ABCA7: variants seen among roughly 807,000 people sequenced by gnomAD.
ABCA7 encodes the protein ATP binding cassette subfamily A member 7.
Under a neutral mutation model 227.6 loss-of-function variants are expected in ABCA7, and 261 were observed. The observed-to-expected ratio is 1.15, with a 90% CI of 1.04 to 1.27. The LOEUF is 1.27. Ranked by LOEUF, ABCA7 falls within the 50% of genes most tolerant of loss-of-function variation. The probability of loss-of-function intolerance (pLI) is 0.00; values close to 1 mark genes in which losing one functional copy is unlikely to be tolerated. For synonymous variants in ABCA7, 1,488 were observed against 1,279.7 expected, an observed-to-expected ratio of 1.16 and a Z score of -3.47; for missense variants, 3,331 against 2,924.5, an observed-to-expected ratio of 1.14 and a Z score of -3.21.
intron 6 of ABCA7, 68 bp from the exon 7 acceptor site, chr19:1,042,678 C>T (rs1387814050): frequency 1.3e-6 from 2 of 1,500,290 alleles, no homozygotes. Flanking sequence ...TGCCTGGGAA[C>T]TGGCCAGAGC....
intron 23 of ABCA7, among the ~76,000 whole-genome samples, chr19:1,052,840 G>C (rs1260729771): frequency 6.6e-6 from 1 of 151,896 alleles, no homozygotes; most frequent in Non-Finnish European, 1.5e-5. Flanking sequence ...AACCAGGGCT[G>C]AGCCCAGAGA....
At chr19:1,045,891 C>T (rs2040590348) in intron 12 of ABCA7, among the ~76,000 whole-genome samples, 1 of 151,040 alleles carries the variant, frequency 6.6e-6, no homozygotes, top group South Asian at 2.1e-4. Context: ...CCTGTAGGCC[C>T]AGCTACCCAG....
rs761551484 is a variant in ABCA7 at position 1,053,865 on chromosome 19, C to G, written c.3472+29C>G. 1.9e-6 allele frequency: 3 copies of G among 1,603,514 alleles called. No homozygotes were observed. The East Asian group carries it at 6.7e-5, about 36-fold the overall frequency. Reference sequence around the variant, plus strand: ...CGGCCACAGCTCCCTGACCCCTGACCCCAGTCCAGAGTGGGACCAGAGGCC... The same window carrying G: ...CGGCCACAGCTCCCTGACCCCTGACGCCAGTCCAGAGTGGGACCAGAGGCC... On this transcript the variant is annotated intron_variant, in intron 25 of 46. Transcript: ENST00000263094.
At chr19:1,053,592 G>A (rs2041980811) in intron 24 of ABCA7, 61 bp downstream of exon 24, 1 of 1,538,136 alleles carries the variant, frequency 6.5e-7, no homozygotes, top group Non-Finnish European at 8.7e-7. Flanking sequence ...AGGAGGTGGT[G>A]TTTTGAAGGA....
intron 40 of ABCA7, among the ~76,000 whole-genome samples, chr19:1,059,510 C>A (rs1253759715): frequency 2.0e-5 from 3 of 151,068 alleles, no homozygotes; most frequent in Non-Finnish European, 2.9e-5. Context: ...CGTGATCCAC[C>A]CGCCTCAGCC....
Position 1,054,662 on chromosome 19 carries a change from C to A in ABCA7, c.3819C>A (p.Pro1273=). 1 of 1,613,416 alleles carries A rather than the reference C, an allele frequency of 6.2e-7. No individual in the cohort carries two copies. The change falls in exon 28 of 47, where the codon CCC becomes CCA. Residue 1273 remains proline, a synonymous_variant. Transcript: ENST00000263094. This position sits in a 1 kb window ranked among gnomAD's most constrained non-coding sequence, Gnocchi z 4.8. ...FGHYPALRLS[P]TMYGAQVSFF... ...ACTACCCGGCTCTGCGGCTCAGTCC[C>A]ACCATGTACGGTGCTCAGGTGTCCT...
At chr19:1,064,007 G>C in intron 44 of ABCA7, 144 bp downstream of exon 44, 2 of 1,332,270 alleles carry the variant, frequency 1.5e-6, no homozygotes, top group South Asian at 1.5e-5. Context: ...AGGACACACA[G>C]AGGTGGGACG....
In ABCA7 at chr19:1,041,353, A is replaced by G. The variant is rs3752229; in HGVS notation, c.-9A>G. On this transcript the variant is annotated 5_prime_UTR_variant, in exon 2 of 47. Coordinates refer to ENST00000263094, the MANE Select transcript of ABCA7 (RefSeq NM_019112.4). ...GACCTCTCTGTCCCGTCCCCTGCCC[A>G]GTCTCACCATGGCCTTCTGGACACA... The G allele has an allele frequency of 0.058, 93,060 of 1,613,820 alleles. 5,453 individuals are homozygous for G. The highest frequency in any genetic ancestry group is 0.37 in the East Asian group (16,613 of 44,868).
chr19:1,064,135 G>T, intron 44 of ABCA7, 26 bp from the exon 45 acceptor site: 2 of 1,534,944 alleles, frequency 1.3e-6, no homozygotes, highest in Non-Finnish European at 8.8e-7. Context: ...CGGCCTCACG[G>T]AGCTCGTGGT....
rs1297041763 is a variant in ABCA7, at chr19:1,041,528, T to C, written c.85T>C (p.Leu29=). ...RRQPVQLLVE[L]LWPLFLFFIL... ...CCCCCAGGTCCAGCTCCTGGTCGAATTGCTGTGGCCTCTCTTCCTCTTCTT... is the reference window on the plus strand; with the variant it reads ...CCCCCAGGTCCAGCTCCTGGTCGAACTGCTGTGGCCTCTCTTCCTCTTCTT... Residue 29 remains leucine (L), a synonymous_variant, in exon 3 of 47, where the codon TTG becomes CTG. Coordinates refer to ENST00000263094, the MANE Select transcript of ABCA7 (RefSeq NM_019112.4). 1.2e-6 allele frequency: 2 copies of C among 1,613,738 alleles called. No homozygotes were observed. The highest frequency in any genetic ancestry group is 4.5e-5 in the East Asian group (2 of 44,884).
chr19:1,055,499 CTT>C (rs397709972), intron 30 of ABCA7, 148 bp downstream of exon 30: 35,169 of 419,406 alleles, frequency 0.084, 1 homozygote, highest in South Asian at 0.1. Flanking sequence ...TTCCTTTCCT[CTT>C]TTTTTTTTTT....
chr19:1,055,843 C>A, intron 30 of ABCA7, 64 bp from the exon 31 acceptor site: 1 of 1,478,662 alleles, frequency 6.8e-7, no homozygotes, highest in Non-Finnish European at 9.1e-7. Context: ...GTGCTCCCCT[C>A]TCACCATCTC....
rs1334433331 is a variant in ABCA7 at position 1,056,140 on chromosome 19, A to G, written c.4313A>G (p.Glu1438Gly). 2.5e-6 allele frequency: 4 copies of G among 1,609,584 alleles called. No individual in the cohort carries two copies. The highest frequency in any genetic ancestry group is 1.7e-5 in the Admixed American group (1 of 59,914). ...CAAGAGTTGGGCCGCTCAGTGGAGGAGTTGTGGGCGCTGCTGAGTCCCCTG... is the reference window on the plus strand; with the variant it reads ...CAAGAGTTGGGCCGCTCAGTGGAGGGGTTGTGGGCGCTGCTGAGTCCCCTG... ...SGQELGRSVE[E>G]LWALLSPLPG... Residue 1438 changes from glutamate (E) to glycine (G), a missense_variant, in exon 32 of 47, where the codon GAG becomes GGG. Coordinates refer to ENST00000263094, the MANE Select transcript of ABCA7 (RefSeq NM_019112.4). The surrounding 1 kb of genome is among the most constrained non-coding windows in gnomAD (Gnocchi z 4.3).
Position 1,051,587 on chromosome 19 carries a change from G to A in ABCA7, c.2962+1G>A, listed in dbSNP as rs762217116. On this transcript the variant is annotated splice_donor_variant, in intron 21 of 46. Coordinates refer to ENST00000263094, the MANE Select transcript of ABCA7 (RefSeq NM_019112.4). LOFTEE classifies it high-confidence loss of function. ...GAGCTGCTGCTCAAATACCGAGAAG[G>A]TAAGAGCTGGGGATTCTGCTCGAGG... 6.2e-7 allele frequency: 1 copy of A among 1,610,690 alleles called. No homozygotes were observed. Among genetic ancestry groups the A allele is most frequent in the Admixed American group, 1.7e-5 (1 of 59,892 alleles).
intron 35 of ABCA7, 140 bp from the exon 36 acceptor site, chr19:1,057,771 GAGAA>G (rs1745301113): frequency 1.5e-5 from 17 of 1,141,574 alleles, no homozygotes; most frequent in Non-Finnish European, 1.6e-5. Context: ...AAGAGAAAGA[GAGAA>G]AGAAAAAAAA....
rs775663178 is a variant in ABCA7, at chr19:1,056,997, G to A, written c.4677G>A (p.Glu1559=). The change falls in exon 34 of 47, where the codon GAG becomes GAA. Residue 1559 remains glutamate (E), a synonymous_variant. Coordinates refer to ENST00000263094, the MANE Select transcript of ABCA7 (RefSeq NM_019112.4). This position sits in a 1 kb window ranked among gnomAD's most constrained non-coding sequence, Gnocchi z 4.3. ...CCAGCTTCACTCTTGTCCTCATTGAGGAGCGAGTCACCCGAGCCAAGCACC... is the reference window on the plus strand; with the variant it reads ...CCAGCTTCACTCTTGTCCTCATTGAAGAGCGAGTCACCCGAGCCAAGCACC... ...VPASFTLVLI[E]ERVTRAKHLQ... is the part of the protein sequence containing the mutation. 6.2e-6 allele frequency: 10 copies of A among 1,613,940 alleles called. No individual in the cohort carries two copies. In the South Asian group the frequency reaches 6.6e-5, roughly 11 times the overall value.
At chr19:1,041,030 T>G (rs1053608864) in intron 1 of ABCA7, among the ~76,000 whole-genome samples, 195 bp from the exon 2 acceptor site, 4 of 152,012 alleles carry the variant, frequency 2.6e-5, no homozygotes, top group Non-Finnish European at 4.4e-5. Context: ...ACGAAAGCGT[T>G]AAGCCCAAAC....
Position 1,064,198 on chromosome 19 carries a change from A to G in ABCA7, c.5989A>G (p.Ile1997Val), listed in dbSNP as rs1389273252. The change falls in exon 45 of 47, where the codon ATC becomes GTC. Residue 1997 changes from isoleucine to valine, a missense_variant. Physicochemically the swap from Ile to Val is conservative, Grantham distance 29. Coordinates refer to ENST00000263094, the MANE Select transcript of ABCA7 (RefSeq NM_019112.4). ...ECEALCSRLA[I>V]MVNGRFRCLG... ...TGAAGCGCTCTGCTCGCGCCTGGCC[A>G]TCATGGTGAATGGGCGGTTCCGCTG... 12 of 1,581,062 alleles carry G rather than the reference A, an allele frequency of 7.6e-6. No individual in the cohort carries two copies. Among genetic ancestry groups the G allele is most frequent in the Non-Finnish European group, 8.6e-6 (10 of 1,165,024 alleles).
In ABCA7 at chr19:1,048,950, C is replaced by T. The variant is rs771423478; in HGVS notation, c.2325C>T (p.Cys775=). 4 of 1,609,510 alleles carry T rather than the reference C, an allele frequency of 2.5e-6. No homozygotes were observed. The highest frequency in any genetic ancestry group is 4.5e-5 in the East Asian group (2 of 44,816). Residue 775 remains cysteine (C), a synonymous_variant, in exon 17 of 47, where the codon TGC becomes TGT. Coordinates refer to ENST00000263094, the MANE Select transcript of ABCA7 (RefSeq NM_019112.4). ...TTCCTTTTCGGAGGAGCTACTGGTGCGGACCTCGGCCCCCCAAGAGTCCAG... is the reference window on the plus strand; with the variant it reads ...TTCCTTTTCGGAGGAGCTACTGGTGTGGACCTCGGCCCCCCAAGAGTCCAG... ...WNFPFRRSYW[C]GPRPPKSPAP... is the part of the protein sequence containing the mutation.
Sources: gnomAD v4.1 joint callset for allele counts (sites outside exome capture counted in the v4.1 genomes callset) on GRCh38, gnomAD v4.1.1 for gene constraint, Gnocchi (gnomAD v3.1) non-coding constraint, MANE v1.5 for transcripts, NCBI Gene and HGNC (gene_info 2026-07-23, HGNC 2026-07-21) for gene names.